PCCA: variants seen among roughly 807,000 people sequenced by gnomAD.
PCCA encodes the protein propionyl-CoA carboxylase subunit alpha.
In PCCA, 74 loss-of-function variants were observed where a neutral mutation model predicts 101.3. The ratio of observed to expected loss-of-function variants is 0.73; its 90% CI spans 0.61 to 0.89. PCCA has a LOEUF of 0.89. PCCA is among the 40% of genes least tolerant of loss of function. The pLI is 0.00. For synonymous variants in PCCA, 294 were observed against 313.6 expected (o/e 0.94, Z 0.66); for missense variants, 891 against 907.0 (o/e 0.98, Z 0.23).
chr13:100,245,258 C>G (rs1252348465), intron 8 of PCCA, among the ~76,000 whole-genome samples: 1 of 151,958 alleles, frequency 6.6e-6, no homozygotes, highest in Non-Finnish European at 1.5e-5. Context: ...AAACTGTTTC[C>G]TTGTTTGTAT....
chr13:100,471,535 A>G (rs1033627570), intron 21 of PCCA, among the ~76,000 whole-genome samples: 28 of 152,360 alleles, frequency 1.8e-4, no homozygotes, highest in Middle Eastern at 3.4e-3. Flanking sequence ...GTGAAGCCTA[A>G]TAAAATGAGG....
intron 4 of PCCA, among the ~76,000 whole-genome samples, chr13:100,126,939 A>G (rs1037317101): frequency 4.6e-5 from 7 of 152,156 alleles, no homozygotes; most frequent in Non-Finnish European, 8.8e-5. Flanking sequence ...TCCATTATCA[A>G]TGGAGTCAGT....
Position 100,209,351 on chromosome 13 carries a change from T to G in PCCA, c.488T>G (p.Phe163Cys). 1.9e-6 allele frequency: 3 copies of G among 1,613,804 alleles called. No individual in the cohort carries two copies. In the South Asian group the frequency reaches 3.3e-5, roughly 18 times the overall value. Reference protein sequence around the residue: ...ARCLAAEDVVFIGPDTHAIQA... With the variant: ...ARCLAAEDVVCIGPDTHAIQA... ...CCACAGGCAGCAGAAGATGTCGTTT[T>G]CATTGGACCTGACACACATGCTATT... Residue 163 changes from phenylalanine to cysteine, a missense_variant, in exon 7 of 24, where the codon TTC becomes TGC. Coordinates refer to ENST00000376285, the MANE Select transcript of PCCA (RefSeq NM_000282.4).
At chr13:100,292,854 A>G (rs967499124) in intron 12 of PCCA, among the ~76,000 whole-genome samples, 2 of 152,142 alleles carry the variant, frequency 1.3e-5, no homozygotes, top group African/African-American at 2.4e-5. Context: ...AATGAAGCTG[A>G]TAGAGAAAAG....
intron 12 of PCCA, among the ~76,000 whole-genome samples, chr13:100,292,729 A>T (rs2065223251): frequency 6.6e-6 from 1 of 152,212 alleles, no homozygotes; most frequent in Admixed American, 6.5e-5. Context: ...TTATTGTTAC[A>T]TGTGAACAAA....
intron 21 of PCCA, among the ~76,000 whole-genome samples, chr13:100,458,777 G>C (rs1393939534): frequency 6.6e-6 from 1 of 152,166 alleles, no homozygotes; most frequent in East Asian, 1.9e-4. Flanking sequence ...AGGATGGCCT[G>C]GGTGTACATA....
chr13:100,357,898 T>C (rs2074124871), intron 18 of PCCA, among the ~76,000 whole-genome samples: 1 of 152,292 alleles, frequency 6.6e-6, no homozygotes, highest in East Asian at 1.9e-4. Context: ...TGAATTCAGG[T>C]TCTCTCAAAT....
chr13:100,465,932 G>T (rs912938390), intron 21 of PCCA, among the ~76,000 whole-genome samples: 1 of 152,270 alleles, frequency 6.6e-6, no homozygotes, highest in African/African-American at 2.4e-5. Flanking sequence ...GTTTGGAAGT[G>T]TGTAAGGGGT....
intron 8 of PCCA, among the ~76,000 whole-genome samples, chr13:100,250,395 C>T (rs2152545586): frequency 6.6e-6 from 1 of 152,126 alleles, no homozygotes; most frequent in Non-Finnish European, 1.5e-5. Flanking sequence ...GCTTTGCATA[C>T]CAGGATTAAA....
chr13:100,433,934 G>A (rs544447868), intron 20 of PCCA, among the ~76,000 whole-genome samples: 2 of 152,334 alleles, frequency 1.3e-5, no homozygotes, highest in South Asian at 2.1e-4. Context: ...TACAAGGAAA[G>A]CTGTCCATTT....
chr13:100,289,489 T>C (rs2064964113), intron 12 of PCCA, among the ~76,000 whole-genome samples: 1 of 152,122 alleles, frequency 6.6e-6, no homozygotes, highest in African/African-American at 2.4e-5. Flanking sequence ...CATTTTCTTT[T>C]AGTGTGAAAA....
At chr13:100,391,268 A>T (rs1035783151) in intron 19 of PCCA, among the ~76,000 whole-genome samples, 3 of 152,142 alleles carry the variant, frequency 2.0e-5, no homozygotes, top group Admixed American at 1.3e-4. Context: ...CACCACACCC[A>T]GCCTCTGTTC....
At chr13:100,099,315 CTTT>C (rs940373587) in intron 1 of PCCA, among the ~76,000 whole-genome samples, 4 of 124,500 alleles carry the variant, frequency 3.2e-5, no homozygotes, top group South Asian at 2.6e-4. Context: ...GCTATCTAAT[CTTT>C]TTTTTTTTTT....
At chr13:100,463,170 C>A (rs550932574) in intron 21 of PCCA, among the ~76,000 whole-genome samples, 1 of 152,156 alleles carries the variant, frequency 6.6e-6, no homozygotes, top group Non-Finnish European at 1.5e-5. Context: ...GGGTGATGGG[C>A]AGGGCAACAA....
At chr13:100,257,510 G>A (rs1011844115) in intron 8 of PCCA, 85 bp from the exon 9 acceptor site, 31 of 919,658 alleles carry the variant, frequency 3.4e-5, no homozygotes, top group Admixed American at 1.4e-4. Context: ...TGTTTTCTGC[G>A]TTATTGAACA....
chr13:100,467,017 C>T (rs1172189868), intron 21 of PCCA, among the ~76,000 whole-genome samples: 1 of 152,170 alleles, frequency 6.6e-6, no homozygotes, highest in Non-Finnish European at 1.5e-5. Context: ...AGGTACCTAG[C>T]ACCGTATGTT....
At chr13:100,349,523 A>G (rs187635387) in intron 18 of PCCA, among the ~76,000 whole-genome samples, 108 of 152,268 alleles carry the variant, frequency 7.1e-4, no homozygotes, top group Non-Finnish European at 1.2e-3. Flanking sequence ...TTGGCCTCCC[A>G]AAGTGCTGGG....
chr13:100,342,867 A>C (rs2071595050), intron 18 of PCCA, among the ~76,000 whole-genome samples: 1 of 151,622 alleles, frequency 6.6e-6, no homozygotes, highest in African/African-American at 2.4e-5. Context: ...GATTACAGGA[A>C]CATACCACCA....
At chr13:100,204,011 A>G (rs923064926) in intron 6 of PCCA, among the ~76,000 whole-genome samples, 1 of 152,182 alleles carries the variant, frequency 6.6e-6, no homozygotes, top group African/African-American at 2.4e-5. Context: ...CTCATGTGCT[A>G]ACTTCCTGAA....
Sources: gnomAD v4.1 joint callset for allele counts (sites outside exome capture counted in the v4.1 genomes callset) on GRCh38, gnomAD v4.1.1 for gene constraint, MANE v1.5 for transcripts, NCBI Gene and HGNC (gene_info 2026-07-23, HGNC 2026-07-21) for gene names.